Variants in RIMS1 observed in about 807,000 individuals in gnomAD.
The protein encoded by RIMS1 is regulating synaptic membrane exocytosis 1.
In RIMS1, 83 loss-of-function variants were observed where a neutral mutation model predicts 214.1. That is an observed-to-expected ratio of 0.39 (90% CI 0.32 to 0.47). The LOEUF (loss-of-function observed/expected upper bound fraction) is 0.47, where lower values mean the gene tolerates loss of function less well. Ranked by LOEUF, RIMS1 falls within the 20% of genes least tolerant of loss-of-function variation. The probability of loss-of-function intolerance (pLI) is 0.99; values close to 1 mark genes in which losing one functional copy is unlikely to be tolerated. For missense variants in RIMS1, 2,050 were observed against 2,161.8 expected, an observed-to-expected ratio of 0.95 and a Z score of 1.03; for synonymous variants, 793 against 786.8, an observed-to-expected ratio of 1.01 and a Z score of -0.13.
intron 18 of RIMS1, among the ~76,000 whole-genome samples, chr6:72,259,651 T>C (rs1032296102): frequency 1.3e-5 from 2 of 152,120 alleles, no homozygotes; most frequent in African/African-American, 4.8e-5. Flanking sequence ...TATGGGGATA[T>C]GTGCTTAGAT....
chr6:71,944,732 A>G (rs977649025), intron 1 of RIMS1, among the ~76,000 whole-genome samples: 30 of 152,220 alleles, frequency 2.0e-4, no homozygotes, highest in African/African-American at 7.0e-4. Context: ...TTATCTCGTG[A>G]TCTACATAGA....
chr6:72,033,895 AT>A (rs1182825449), intron 2 of RIMS1, among the ~76,000 whole-genome samples: 2 of 152,240 alleles, frequency 1.3e-5, no homozygotes, highest in South Asian at 4.1e-4. Context: ...GTTTATAGAA[AT>A]TTTTTTAAAA....
chr6:71,992,404 C>CTATCTTTCTTTCTT (rs200339642), intron 2 of RIMS1, among the ~76,000 whole-genome samples: 51 of 110,080 alleles, frequency 4.6e-4, no homozygotes, highest in Non-Finnish European at 7.3e-4. Context: ...TTCTCTCTCT[C>CTATCTTTCTTTCTT]TCTTTCTTTC....
At chr6:72,347,561 A>C (rs1156720163) in intron 29 of RIMS1, among the ~76,000 whole-genome samples, 2 of 147,386 alleles carry the variant, frequency 1.4e-5, no homozygotes, top group Non-Finnish European at 3.1e-5. Flanking sequence ...TGATGTATGT[A>C]ACAGAAAAAT....
At chr6:72,075,168 A>T (rs942803546) in intron 2 of RIMS1, among the ~76,000 whole-genome samples, 32 of 152,122 alleles carry the variant, frequency 2.1e-4, no homozygotes, top group Admixed American at 9.2e-4. Context: ...TGCAGCCTCG[A>T]CCTTCTGGGC....
chr6:72,088,767 T>C (rs1835368336), intron 2 of RIMS1, among the ~76,000 whole-genome samples: 1 of 152,224 alleles, frequency 6.6e-6, no homozygotes, highest in Non-Finnish European at 1.5e-5. Context: ...TAATTTTCTA[T>C]GAACTTTTTG....
At chr6:72,016,243 G>T (rs1020250106) in intron 2 of RIMS1, among the ~76,000 whole-genome samples, 11 of 152,000 alleles carry the variant, frequency 7.2e-5, no homozygotes, top group Non-Finnish European at 1.5e-4. Flanking sequence ...AGGGGTATTG[G>T]TCTGCAGTTT....
chr6:72,377,514 A>G (rs1049515276), intron 29 of RIMS1, among the ~76,000 whole-genome samples: 1 of 152,080 alleles, frequency 6.6e-6, no homozygotes, highest in Non-Finnish European at 1.5e-5. Context: ...GCTATATGCT[A>G]TGTGAAGAGG....
intron 4 of RIMS1, among the ~76,000 whole-genome samples, chr6:72,101,507 A>G (rs1450122473): frequency 6.6e-6 from 1 of 151,980 alleles, no homozygotes; most frequent in African/African-American, 2.4e-5. Flanking sequence ...TAAATGAAAT[A>G]CTTTATTGCC....
intron 23 of RIMS1, among the ~76,000 whole-genome samples, chr6:72,283,051 A>G (rs1486558173): frequency 6.6e-6 from 1 of 152,008 alleles, no homozygotes. Context: ...CTTGGTATAT[A>G]CTAGATACTT....
chr6:72,265,356 T>G, intron 20 of RIMS1, 34 bp from the exon 21 acceptor site: 2 of 1,138,626 alleles, frequency 1.8e-6, no homozygotes, highest in Non-Finnish European at 2.6e-6. Flanking sequence ...ATAATTTATT[T>G]TATTTTATTT....
chr6:72,369,787 A>G (rs533004008), intron 29 of RIMS1, among the ~76,000 whole-genome samples: 3 of 152,372 alleles, frequency 2.0e-5, no homozygotes, highest in African/African-American at 7.2e-5. Context: ...ACCCCAAAGT[A>G]TTGTAAACAC....
intron 12 of RIMS1, among the ~76,000 whole-genome samples, chr6:72,249,155 A>G (rs78882195): frequency 0.015 from 2,286 of 152,346 alleles, 19 homozygotes; most frequent in Non-Finnish European, 0.017. Flanking sequence ...ACTCTCAAAT[A>G]TGTTCTAACA....
chr6:72,070,146 A>T (rs1449301058), intron 2 of RIMS1, among the ~76,000 whole-genome samples: 2 of 152,330 alleles, frequency 1.3e-5, no homozygotes, highest in Non-Finnish European at 2.9e-5. Flanking sequence ...GATTCTAGGG[A>T]CTAATAATAC....
chr6:71,956,280 TTCTC>T (rs1202343744), intron 1 of RIMS1, among the ~76,000 whole-genome samples: 1 of 152,132 alleles, frequency 6.6e-6, no homozygotes, highest in Non-Finnish European at 1.5e-5. Flanking sequence ...GTTTTAATCT[TTCTC>T]TTTCTTTCTT....
intron 29 of RIMS1, among the ~76,000 whole-genome samples, chr6:72,379,813 C>G (rs1219394854): frequency 6.6e-6 from 1 of 152,172 alleles, no homozygotes; most frequent in East Asian, 1.9e-4. Flanking sequence ...AGTGGTAGAG[C>G]TGGTACTTGA....
At chr6:72,383,708 T>A (rs1026446159) in intron 29 of RIMS1, among the ~76,000 whole-genome samples, 10 of 151,970 alleles carry the variant, frequency 6.6e-5, no homozygotes, top group African/African-American at 2.4e-4. Flanking sequence ...GAGGATCGCT[T>A]GAGCCCAGGA....
intron 2 of RIMS1, among the ~76,000 whole-genome samples, chr6:71,982,177 A>T (rs1030115903): frequency 6.6e-6 from 1 of 152,118 alleles, no homozygotes; most frequent in Non-Finnish European, 1.5e-5. Flanking sequence ...CATTTCCACC[A>T]TCTATTATCC....
chr6:71,975,963 G>A (rs1797034005), intron 2 of RIMS1, among the ~76,000 whole-genome samples: 1 of 151,954 alleles, frequency 6.6e-6, no homozygotes, highest in Non-Finnish European at 1.5e-5. Flanking sequence ...TCAGTTAATG[G>A]ACATTTGGAT....
Sources: allele counts gnomAD v4.1 joint callset (sites outside exome capture counted in the v4.1 genomes callset), GRCh38; gene constraint gnomAD v4.1.1; transcripts MANE v1.5; gene names NCBI Gene and HGNC (gene_info 2026-07-23, HGNC 2026-07-21).